Variants in MTR observed in about 807,000 individuals in gnomAD.
The protein encoded by MTR is 5-methyltetrahydrofolate-homocysteine methyltransferase, also known as methionine synthase.
In MTR, 84 loss-of-function variants were observed where a neutral mutation model predicts 154.8. The observed-to-expected ratio is 0.54, with a 90% CI of 0.45 to 0.65. The LOEUF is 0.65. Ranked by LOEUF, MTR falls within the 30% of genes least tolerant of loss-of-function variation. The pLI, the probability that MTR is intolerant of heterozygous loss-of-function variation, is 0.00. For missense variants in MTR, 1,275 were observed against 1,570.2 expected, an observed-to-expected ratio of 0.81 and a Z score of 3.18; for synonymous variants, 554 against 553.9, an observed-to-expected ratio of 1.00 and a Z score of 0.00.
Position 236,897,308 on chromosome 1 carries a change from A to ATGCGCGCGCGCGCACGCGCG in MTR, c.3711+190_3711+191insTGCGCGCGCGCGCACGCGCG, listed in dbSNP as rs57608445. Among the ~76,000 whole-genome samples, 146 of 131,526 alleles carry ATGCGCGCGCGCGCACGCGCG rather than the reference A, an allele frequency of 1.1e-3. 4 individuals carry two copies. The highest frequency in any genetic ancestry group is 4.1e-3 in the African/African-American group (137 of 33,652). The allele number at this position is 131,526 out of a possible 152,430, so 86.3% of individuals were successfully genotyped here. On this transcript the variant is annotated intron_variant, in intron 32 of 32. Coordinates refer to ENST00000366577, the MANE Select transcript of MTR (RefSeq NM_000254.3). ...TCACTTCTACATGCAAGCCACACAC[A>ATGCGCGCGCGCGCACGCGCG]CGCACACACACACACACACACACAC... is the stretch of plus-strand genomic sequence containing the variant.
intron 25 of MTR, among the ~76,000 whole-genome samples, chr1:236,881,795 G>A (rs1034989332): frequency 6.6e-6 from 1 of 152,130 alleles, no homozygotes; most frequent in Admixed American, 6.5e-5. Flanking sequence ...AATGTGTAGT[G>A]TGCCAGGTAC....
rs1186280800 is a variant in MTR at position 236,812,777 on chromosome 1, A to G, written c.542A>G (p.Lys181Arg). ...GTTGAAGCATACCAAGAGCAGGCCA[A>G]AGGACTTCTGGATGGCGGGGTTGAT... ...ELVEAYQEQAKGLLDGGVDIL... is the reference protein window; with the variant it reads ...ELVEAYQEQARGLLDGGVDIL... Residue 181 changes from lysine to arginine, a missense_variant, in exon 6 of 33, where the codon AAA (lysine) becomes AGA (arginine). Coordinates refer to ENST00000366577, the MANE Select transcript of MTR (RefSeq NM_000254.3). 2.5e-6 allele frequency: 4 copies of G among 1,614,008 alleles called. No individual in the cohort carries two copies. Among genetic ancestry groups the G allele is most frequent in the Admixed American group, 1.7e-5 (1 of 59,998 alleles).
rs1664530852 is a variant in MTR at position 236,861,295 on chromosome 1, A to C, written c.2196+18A>C. On this transcript the variant is annotated intron_variant, in intron 20 of 32. Coordinates refer to ENST00000366577, the MANE Select transcript of MTR (RefSeq NM_000254.3). ...TACCTCAGGTTAGCAAAATATGGGGAGAAATTTTCACAGTTGCATCTTTTC... is the reference window on the plus strand; with the variant it reads ...TACCTCAGGTTAGCAAAATATGGGGCGAAATTTTCACAGTTGCATCTTTTC... 1 of 1,613,612 alleles carries C rather than the reference A, an allele frequency of 6.2e-7. No homozygotes were observed. Among genetic ancestry groups the C allele is most frequent in the African/African-American group, 1.3e-5 (1 of 74,874 alleles).
chr1:236,868,654 C>T (rs566980039), intron 22 of MTR, among the ~76,000 whole-genome samples: 8 of 152,276 alleles, frequency 5.3e-5, no homozygotes, highest in South Asian at 4.1e-4. Flanking sequence ...AAGAAAAATA[C>T]GCTATTTCAT....
intron 4 of MTR, among the ~76,000 whole-genome samples, chr1:236,809,556 ATG>A (rs1299650718): frequency 6.6e-6 from 1 of 152,234 alleles, no homozygotes; most frequent in African/African-American, 2.4e-5. Context: ...ATTCATGGAA[ATG>A]CATAGACTAT....
Position 236,864,796 on chromosome 1 carries a change from T to C in MTR, c.2405+1242T>C, listed in dbSNP as rs3768140. On this transcript the variant is annotated intron_variant, in intron 22 of 32. Transcript: ENST00000366577. ...GTTAAAATTCACTTCAGTTAATGTTTATAGATCATCTTCTACTTACCAGGC... is the reference window on the plus strand; with the variant it reads ...GTTAAAATTCACTTCAGTTAATGTTCATAGATCATCTTCTACTTACCAGGC... 8.8e-3 allele frequency among the ~76,000 whole-genome samples: 1,348 copies of C among 152,322 alleles called. 132 individuals are homozygous for C. In the East Asian group the frequency reaches 0.2, roughly 23 times the overall value.
chr1:236,808,833 T>C, intron 4 of MTR, 60 bp downstream of exon 4: 2 of 1,493,252 alleles, frequency 1.3e-6, no homozygotes, highest in Non-Finnish European at 1.9e-6. Flanking sequence ...TCAGCTATAA[T>C]GTGCTGTCCT....
chr1:236,797,190 C>G (rs1481512310), intron 1 of MTR, among the ~76,000 whole-genome samples: 1 of 152,142 alleles, frequency 6.6e-6, no homozygotes, highest in East Asian at 1.9e-4. Flanking sequence ...TAGATGTAGT[C>G]CAGCTTCTGT....
At chr1:236,892,497 A>C (rs1241185656) in intron 29 of MTR, among the ~76,000 whole-genome samples, 2 of 152,154 alleles carry the variant, frequency 1.3e-5, no homozygotes, top group Non-Finnish European at 2.9e-5. Flanking sequence ...AACAAACAAA[A>C]AAGATAGTGG....
At chr1:236,848,184 G>A (rs771822849) in intron 15 of MTR, among the ~76,000 whole-genome samples, 1 of 152,146 alleles carries the variant, frequency 6.6e-6, no homozygotes, top group African/African-American at 2.4e-5. Flanking sequence ...TTCCTGTCCT[G>A]TGAGGATGCA....
intron 32 of MTR, 82 bp from the exon 33 acceptor site, chr1:236,897,476 G>C: frequency 7.7e-7 from 1 of 1,303,692 alleles, no homozygotes. Flanking sequence ...GGTACTTAAT[G>C]TTTCTTGGCA....
At position 236,897,725 on chromosome 1, in the gene MTR, C is replaced by CA; in HGVS notation, c.*87dup. The CA allele has an allele frequency of 8.0e-7, 1 of 1,257,284 alleles. No individual in the cohort carries two copies. The highest frequency in any genetic ancestry group is 1.1e-6 in the Non-Finnish European group (1 of 869,758). The allele number at this position is 1,257,284 out of a possible 1,614,324, so 77.9% of individuals were successfully genotyped here. On this transcript the variant is annotated 3_prime_UTR_variant, in exon 33 of 33. Coordinates refer to ENST00000366577, the MANE Select transcript of MTR (RefSeq NM_000254.3). ...TAGGGTGCCTTAAAAATAACAACAA[C>CA]AAAAAACCTGTGTGCATCTGGCTGA... is the stretch of plus-strand genomic sequence containing the variant.
chr1:236,872,454 T>C (rs910943896), intron 22 of MTR, among the ~76,000 whole-genome samples: 1 of 152,194 alleles, frequency 6.6e-6, no homozygotes, highest in African/African-American at 2.4e-5. Flanking sequence ...GACCTCTTTT[T>C]CATGATCTTC....
chr1:236,874,845 A>G lies in MTR; in HGVS notation c.2593A>G (p.Lys865Glu), dbSNP rs1665342241. The G allele has an allele frequency of 4.3e-6, 7 of 1,613,824 alleles. No individual in the cohort carries two copies. The highest frequency in any genetic ancestry group is 5.9e-6 in the Non-Finnish European group (7 of 1,179,838). ...PLLIGGATTS[K>E]THTAVKIAPR... ...GTTGATTGGAGGAGCAACCACTTCA[A>G]AGTAAGTTATACTAATGAGCTTTGT... Residue 865 changes from lysine to glutamate, a missense_variant and splice_region_variant, in exon 24 of 33, where the codon AAA becomes GAA. Physicochemically the swap from Lys to Glu is moderately conservative, Grantham distance 56. Transcript: ENST00000366577.
At chr1:236,822,377 A>G (rs552163941) in intron 8 of MTR, among the ~76,000 whole-genome samples, 3 of 146,212 alleles carry the variant, frequency 2.1e-5, no homozygotes, top group Non-Finnish European at 4.5e-5. Context: ...TGGTATGATC[A>G]TGGCTCACTG....
At chr1:236,801,979 C>T (rs2103008233) in intron 1 of MTR, among the ~76,000 whole-genome samples, 1 of 152,284 alleles carries the variant, frequency 6.6e-6, no homozygotes, top group African/African-American at 2.4e-5. Context: ...GATGTATGAT[C>T]TCATTTGCAT....
At chr1:236,834,044 A>G (rs1456662983) in intron 13 of MTR, among the ~76,000 whole-genome samples, 1 of 152,196 alleles carries the variant, frequency 6.6e-6, no homozygotes, top group East Asian at 1.9e-4. Context: ...AGTTTTTTAC[A>G]TGACTGTGAC....
chr1:236,890,726 C>T (rs545644623), intron 28 of MTR, among the ~76,000 whole-genome samples: 147 of 152,304 alleles, frequency 9.7e-4, no homozygotes, highest in South Asian at 4.4e-3. Flanking sequence ...AAAAGCACCA[C>T]GGAATACGAG....
At chr1:236,833,899 C>A (rs868734569) in intron 13 of MTR, among the ~76,000 whole-genome samples, 1 of 152,178 alleles carries the variant, frequency 6.6e-6, no homozygotes, top group Non-Finnish European at 1.5e-5. Context: ...TTTGCTCCAT[C>A]CATTCCCCAT....
Sources: gnomAD v4.1 joint callset for allele counts (sites outside exome capture counted in the v4.1 genomes callset) on GRCh38, gnomAD v4.1.1 for gene constraint, MANE v1.5 for transcripts, NCBI Gene and HGNC (gene_info 2026-07-23, HGNC 2026-07-21) for gene names.